IGSF11: variants seen among roughly 807,000 people sequenced by gnomAD.
The protein encoded by IGSF11 is CXADR like 1.
IGSF11 carries 22 observed loss-of-function variants against 41.0 expected under a neutral mutation model. The observed-to-expected ratio is 0.54, with a 90% CI of 0.38 to 0.77. The LOEUF (loss-of-function observed/expected upper bound fraction) is 0.77. Ranked by LOEUF, IGSF11 falls within the 30% of genes least tolerant of loss-of-function variation. IGSF11 has a pLI of 0.00. For synonymous variants in IGSF11, 219 were observed against 201.3 expected (o/e 1.09, Z -0.74); for missense variants, 444 against 530.8 (o/e 0.84, Z 1.61).
intron 1 of IGSF11, among the ~76,000 whole-genome samples, chr3:119,056,906 T>C (rs1331223468): frequency 6.6e-6 from 1 of 152,186 alleles, no homozygotes; most frequent in Non-Finnish European, 1.5e-5. Flanking sequence ...GAAAAGGCCT[T>C]TGACAAAATT....
intron 1 of IGSF11, among the ~76,000 whole-genome samples, chr3:119,128,266 G>A (rs1272532663): frequency 6.6e-6 from 1 of 152,176 alleles, no homozygotes; most frequent in African/African-American, 2.4e-5. Flanking sequence ...GCTGAGGCAG[G>A]AGAATTGTTT....
chr3:119,065,367 A>G (rs1387453375), intron 1 of IGSF11, among the ~76,000 whole-genome samples: 1 of 152,180 alleles, frequency 6.6e-6, no homozygotes, highest in South Asian at 2.1e-4. Context: ...GGTCATCATC[A>G]TGGGATATGT....
chr3:119,004,333 T>A (rs1266797244), intron 1 of IGSF11, among the ~76,000 whole-genome samples: 1 of 138,494 alleles, frequency 7.2e-6, no homozygotes, highest in Non-Finnish European at 1.5e-5. Flanking sequence ...TTTTATTGTG[T>A]CTATTTGATT....
chr3:119,081,550 A>G (rs767871344), intron 1 of IGSF11, among the ~76,000 whole-genome samples: 5 of 152,198 alleles, frequency 3.3e-5, no homozygotes, highest in Non-Finnish European at 7.4e-5. Context: ...AGTTCTTTTA[A>G]AAAGCGTTTC....
intron 4 of IGSF11, among the ~76,000 whole-genome samples, chr3:118,923,675 T>C (rs1156571789): frequency 6.6e-6 from 1 of 152,176 alleles, no homozygotes; most frequent in Non-Finnish European, 1.5e-5. Flanking sequence ...CAAGGTCTGA[T>C]TGCAAAAAAT....
At position 118,928,588 on chromosome 3, in the gene IGSF11, A is replaced by C; in HGVS notation, c.345T>G (p.Thr115=). Residue 115 remains threonine, a synonymous_variant, in exon 3 of 7, where the codon ACT becomes ACG. Coordinates refer to ENST00000393775, the MANE Select transcript of IGSF11 (RefSeq NM_001015887.3). ...TGTTGACCAGGCACTGGTAGGTGCC[A>C]GTGTCTGATAACTGAGTGTTATTAA... ...IFINNTQLSD[T]GTYQCLVNNL... is the part of the protein sequence containing the mutation. 1.2e-6 allele frequency: 2 copies of C among 1,613,988 alleles called. No individual in the cohort carries two copies. The highest frequency in any genetic ancestry group is 1.7e-6 in the Non-Finnish European group (2 of 1,179,944).
intron 1 of IGSF11, among the ~76,000 whole-genome samples, chr3:119,096,507 T>C (rs1423220461): frequency 6.6e-6 from 1 of 152,106 alleles, no homozygotes; most frequent in Non-Finnish European, 1.5e-5. Context: ...GAAAAGCAAC[T>C]GAACTACACT....
chr3:119,032,166 G>T (rs561706392), intron 1 of IGSF11, among the ~76,000 whole-genome samples: 1 of 152,234 alleles, frequency 6.6e-6, no homozygotes, highest in Non-Finnish European at 1.5e-5. Context: ...TACCTTTGGT[G>T]TATCATTTCA....
intron 1 of IGSF11, among the ~76,000 whole-genome samples, chr3:118,984,165 T>C (rs927942990): frequency 6.8e-6 from 1 of 146,440 alleles, no homozygotes; most frequent in Non-Finnish European, 1.5e-5. Flanking sequence ...TTGTAATTTC[T>C]GAAATTCAAA....
intron 1 of IGSF11, among the ~76,000 whole-genome samples, chr3:119,138,710 T>C (rs72953087): frequency 0.072 from 10,924 of 152,132 alleles, 523 homozygotes; most frequent in Admixed American, 0.16. Flanking sequence ...GATCCTGTCA[T>C]TTGCAACAAC....
At chr3:118,972,658 C>T (rs1035231088) in intron 1 of IGSF11, among the ~76,000 whole-genome samples, 3 of 152,106 alleles carry the variant, frequency 2.0e-5, no homozygotes, top group African/African-American at 7.2e-5. Flanking sequence ...CCTCGTTATT[C>T]GGGGCAGACA....
upstream of IGSF11, among the ~76,000 whole-genome samples, chr3:119,039,631 C>A (rs1941041477): frequency 6.6e-6 from 1 of 152,190 alleles, no homozygotes; most frequent in Non-Finnish European, 1.5e-5. Flanking sequence ...ATCTAGTCCC[C>A]CATTATCTCT....
intron 1 of IGSF11, among the ~76,000 whole-genome samples, chr3:118,953,231 C>T (rs1323009362): frequency 2.6e-5 from 4 of 151,972 alleles, no homozygotes; most frequent in Non-Finnish European, 4.4e-5. Flanking sequence ...GATTTCAACG[C>T]TTTTTATGGC....
chr3:119,022,313 T>C (rs1159073430), intron 1 of IGSF11, among the ~76,000 whole-genome samples: 1 of 152,184 alleles, frequency 6.6e-6, no homozygotes. Context: ...TTATAGATTT[T>C]GTTTAGGGTA....
At chr3:118,962,658 T>C (rs762060173) in intron 1 of IGSF11, among the ~76,000 whole-genome samples, 5 of 152,004 alleles carry the variant, frequency 3.3e-5, no homozygotes, top group Non-Finnish European at 5.9e-5. Flanking sequence ...GAGCAAGATC[T>C]GGAAATCACA....
rs553066166 is a variant in IGSF11 at position 118,990,917 on chromosome 3, A to G, written c.52+43614T>C. The stretch of plus-strand genomic sequence containing the variant: ...AGAGTTCCTTGATTGGAAGAAATGA[A>G]TATTTCCTGAAATGTTCCCAAGGAA... On this transcript the variant is annotated intron_variant, in intron 1 of 6. Coordinates refer to ENST00000393775, the MANE Select transcript of IGSF11 (RefSeq NM_001015887.3). 6.6e-5 allele frequency among the ~76,000 whole-genome samples: 10 copies of G among 152,342 alleles called. No individual in the cohort carries two copies. In the South Asian group the frequency reaches 2.1e-3, roughly 32 times the overall value.
intron 1 of IGSF11, among the ~76,000 whole-genome samples, chr3:119,001,004 C>T (rs907012702): frequency 6.6e-6 from 1 of 152,108 alleles, no homozygotes; most frequent in Admixed American, 6.6e-5. Flanking sequence ...CCTATTCTGA[C>T]TGTTTCTCCA....
chr3:119,012,369 A>G (rs1425262496), intron 1 of IGSF11, among the ~76,000 whole-genome samples: 1 of 152,188 alleles, frequency 6.6e-6, no homozygotes, highest in Non-Finnish European at 1.5e-5. Flanking sequence ...CTAAACTATA[A>G]TTTTACAGGT....
intron 1 of IGSF11, among the ~76,000 whole-genome samples, chr3:119,094,670 T>A (rs1446825788): frequency 1.7e-5 from 2 of 118,558 alleles, no homozygotes; most frequent in East Asian, 4.9e-4. Context: ...AGAGCAACTC[T>A]ATTTTTTTTT....
Sources: allele counts gnomAD v4.1 joint callset (sites outside exome capture counted in the v4.1 genomes callset), GRCh38; gene constraint gnomAD v4.1.1; transcripts MANE v1.5; gene names NCBI Gene and HGNC (gene_info 2026-07-23, HGNC 2026-07-21).